The following LGSN variants were observed in gnomAD, a reference collection of about 807,000 sequenced individuals.
The protein encoded by LGSN is lengsin.
Under a neutral mutation model 19.5 loss-of-function variants are expected in LGSN, and 21 were observed. The observed-to-expected ratio is 1.07, with a 90% CI of 0.76 to 1.55. The LOEUF is 1.55. LGSN is among the 40% of genes most tolerant of loss of function. The pLI, the probability that LGSN is intolerant of heterozygous loss-of-function variation, is 0.00. For synonymous variants in LGSN, 257 were observed against 215.6 expected, an observed-to-expected ratio of 1.19 and a Z score of -1.68; for missense variants, 673 against 608.5, an observed-to-expected ratio of 1.11 and a Z score of -1.12.
the LGSN span, among the ~76,000 whole-genome samples, chr6:63,357,336 G>A: frequency 6.6e-6 from 1 of 152,100 alleles, no homozygotes; most frequent in Non-Finnish European, 1.5e-5. Flanking sequence ...ATAATCCTTT[G>A]GGTGTATACC....
chr6:63,528,686 G>A, the LGSN span, among the ~76,000 whole-genome samples: 13 of 152,084 alleles, frequency 8.5e-5, no homozygotes, highest in South Asian at 6.2e-4. Context: ...ACCTGAGCAC[G>A]GGGGAGGTCA....
At chr6:63,475,999 T>C in the LGSN span, among the ~76,000 whole-genome samples, 1 of 152,336 alleles carries the variant, frequency 6.6e-6, no homozygotes, top group South Asian at 2.1e-4. Flanking sequence ...TCTAATGTCA[T>C]TCAGATCAAG....
the LGSN span, among the ~76,000 whole-genome samples, chr6:63,432,392 C>G: frequency 6.6e-6 from 1 of 151,800 alleles, no homozygotes; most frequent in African/African-American, 2.4e-5. Context: ...TGTCAGGTGT[C>G]AGAAATAAAT....
the LGSN span, among the ~76,000 whole-genome samples, chr6:63,327,422 C>T: frequency 6.6e-6 from 1 of 152,182 alleles, no homozygotes; most frequent in Non-Finnish European, 1.5e-5. Context: ...GAAGCCTTTT[C>T]CTGTAAACGC....
chr6:63,455,315 T>C, the LGSN span, among the ~76,000 whole-genome samples: 1 of 152,270 alleles, frequency 6.6e-6, no homozygotes, highest in African/African-American at 2.4e-5. Flanking sequence ...GGATTTTGTT[T>C]CTGACCAAAC....
At chr6:63,352,986 CATCT>C in the LGSN span, among the ~76,000 whole-genome samples, 3 of 152,038 alleles carry the variant, frequency 2.0e-5, no homozygotes, top group South Asian at 6.2e-4. Context: ...CAACAACCTC[CATCT>C]GTCTTTCTCT....
chr6:63,279,128 A>T lies in LGSN; in HGVS notation c.*893T>A, dbSNP rs994970579. The T allele has an allele frequency of 3.3e-5, 5 of 152,132 alleles. No individual in the cohort carries two copies. The highest frequency in any genetic ancestry group is 7.3e-5 in the Non-Finnish European group (5 of 68,030). 9.4% of individuals were successfully genotyped at this position (152,132 alleles called of 1,614,324 possible). A position where few individuals can be genotyped will look rare whatever the true frequency, so the allele number is the denominator to read the frequency against. On this transcript the variant is annotated 3_prime_UTR_variant, in exon 4 of 4. Coordinates refer to ENST00000370657, the MANE Select transcript of LGSN (RefSeq NM_016571.3). ...TCAGTAATTTGAATAACAAACTTAA[A>T]CTCCAAACATAGCCCTGGCTAGCCA...
the LGSN span, among the ~76,000 whole-genome samples, chr6:63,452,939 T>G: frequency 6.6e-5 from 10 of 152,134 alleles, no homozygotes; most frequent in African/African-American, 2.2e-4. Flanking sequence ...GTTATAACTT[T>G]CCAACCAAGT....
chr6:63,440,631 T>C, the LGSN span: 1 of 152,238 alleles, frequency 6.6e-6, no homozygotes, highest in Non-Finnish European at 1.5e-5. Context: ...TAACAAGGTG[T>C]AGGCACCAGA....
intron 1 of LGSN, among the ~76,000 whole-genome samples, chr6:63,296,000 G>T (rs79597597): frequency 0.035 from 5,297 of 152,194 alleles, 308 homozygotes; most frequent in African/African-American, 0.12. Context: ...AGCAGGCTCC[G>T]AGAGGTTTCA....
the LGSN span, among the ~76,000 whole-genome samples, chr6:63,447,746 T>C: frequency 6.6e-6 from 1 of 152,190 alleles, no homozygotes; most frequent in Non-Finnish European, 1.5e-5. Flanking sequence ...ACAATAACTT[T>C]TATGTCAAAA....
the LGSN span, among the ~76,000 whole-genome samples, chr6:63,351,456 A>G: frequency 6.6e-5 from 10 of 151,632 alleles, no homozygotes; most frequent in East Asian, 1.7e-3. Context: ...AGAGAGAGAC[A>G]GAGAAAGAGA....
At chr6:63,444,553 C>T in the LGSN span, among the ~76,000 whole-genome samples, 8 of 152,102 alleles carry the variant, frequency 5.3e-5, no homozygotes, top group African/African-American at 1.9e-4. Flanking sequence ...AACACATACA[C>T]GGAACTCAGG....
At chr6:63,436,799 G>A in the LGSN span, among the ~76,000 whole-genome samples, 4 of 152,206 alleles carry the variant, frequency 2.6e-5, no homozygotes, top group Admixed American at 2.0e-4. Context: ...ACTTTGGGAG[G>A]CTGAGGCAGG....
At chr6:63,458,369 C>T in the LGSN span, among the ~76,000 whole-genome samples, 3 of 152,146 alleles carry the variant, frequency 2.0e-5, no homozygotes, top group Non-Finnish European at 2.9e-5. Context: ...GCCCGGCTAG[C>T]CTTTCATTTT....
At chr6:63,313,256 T>C (rs1015545814) in intron 1 of LGSN, among the ~76,000 whole-genome samples, 2 of 152,080 alleles carry the variant, frequency 1.3e-5, no homozygotes, top group African/African-American at 4.8e-5. Flanking sequence ...TTATTAATAC[T>C]TGCCCTTTGT....
chr6:63,418,761 GC>G, the LGSN span, among the ~76,000 whole-genome samples: 1 of 152,058 alleles, frequency 6.6e-6, no homozygotes, highest in East Asian at 1.9e-4. Flanking sequence ...AGACTAAAAA[GC>G]CCCCACAAAA....
At chr6:63,467,484 G>C in the LGSN span, among the ~76,000 whole-genome samples, 1 of 152,026 alleles carries the variant, frequency 6.6e-6, no homozygotes, top group Non-Finnish European at 1.5e-5. Flanking sequence ...CAGTTCTAGG[G>C]GCCAGAATTT....
the LGSN span, among the ~76,000 whole-genome samples, chr6:63,527,330 C>T: frequency 6.6e-6 from 1 of 152,194 alleles, no homozygotes; most frequent in African/African-American, 2.4e-5. Flanking sequence ...TGCCATATAT[C>T]TTACAGATTC....
Sources: gnomAD v4.1 joint callset for allele counts (sites outside exome capture counted in the v4.1 genomes callset) on GRCh38, gnomAD v4.1.1 for gene constraint, MANE v1.5 for transcripts, NCBI Gene and HGNC (gene_info 2026-07-23, HGNC 2026-07-21) for gene names.